Variants in FSTL4 observed in about 807,000 individuals in gnomAD.
FSTL4 encodes follistatin like 4.
Under a neutral mutation model 78.2 loss-of-function variants are expected in FSTL4, and 28 were observed. The observed-to-expected ratio is 0.36, with a 90% CI of 0.27 to 0.49. The LOEUF (loss-of-function observed/expected upper bound fraction) is 0.49. FSTL4 is among the 20% of genes least tolerant of loss of function. The pLI, the probability that FSTL4 is intolerant of heterozygous loss-of-function variation, is 0.98. For missense variants in FSTL4, 922 were observed against 1,084.9 expected (o/e 0.85, Z 2.11); for synonymous variants, 422 against 440.5 (o/e 0.96, Z 0.53).
At chr5:133,479,208 AGGCGGG>A (rs1221148544) in intron 3 of FSTL4, among the ~76,000 whole-genome samples, 55 of 152,268 alleles carry the variant, frequency 3.6e-4, no homozygotes, top group African/African-American at 1.3e-3. Context: ...AATCCCATGA[AGGCGGG>A]GACCATGTGC....
At chr5:133,214,725 G>A (rs1318925607) in intron 13 of FSTL4, among the ~76,000 whole-genome samples, 1 of 152,164 alleles carries the variant, frequency 6.6e-6, no homozygotes, top group African/African-American at 2.4e-5. Context: ...GAAAGGATGT[G>A]ATTTTATCTG....
At chr5:133,513,399 A>G (rs140468985) in intron 3 of FSTL4, among the ~76,000 whole-genome samples, 1 of 152,214 alleles carries the variant, frequency 6.6e-6, no homozygotes, top group African/African-American at 2.4e-5. Flanking sequence ...GCAGGAATAC[A>G]TGAAATTCAC....
At chr5:133,707,840 C>T in the FSTL4 span, among the ~76,000 whole-genome samples, 1 of 152,010 alleles carries the variant, frequency 6.6e-6, no homozygotes, top group South Asian at 2.1e-4. Context: ...TGCCTGGAGC[C>T]CTTTCTGCAC....
chr5:133,591,545 C>T (rs1387971726), intron 2 of FSTL4, among the ~76,000 whole-genome samples: 3 of 152,146 alleles, frequency 2.0e-5, no homozygotes, highest in Admixed American at 6.5e-5. Context: ...CACATCCTCC[C>T]CTCAGAGCCC....
At chr5:133,254,328 C>T (rs1356168881) in intron 6 of FSTL4, among the ~76,000 whole-genome samples, 1 of 152,184 alleles carries the variant, frequency 6.6e-6, no homozygotes, top group Non-Finnish European at 1.5e-5. Flanking sequence ...CCTGAGAGCC[C>T]TGGAAAAAGC....
chr5:133,204,621 C>CAGG (rs1031337337), intron 14 of FSTL4, among the ~76,000 whole-genome samples: 2 of 152,034 alleles, frequency 1.3e-5, no homozygotes, highest in African/African-American at 4.8e-5. Flanking sequence ...CACTTGAGGT[C>CAGG]AGGAGTTTGA....
At chr5:133,485,084 T>C (rs1301816677) in intron 3 of FSTL4, among the ~76,000 whole-genome samples, 3 of 152,210 alleles carry the variant, frequency 2.0e-5, no homozygotes, top group Admixed American at 6.5e-5. Flanking sequence ...ACAGTAACCA[T>C]AAATTTTGGT....
chr5:133,333,760 C>A (rs946900775), intron 4 of FSTL4, among the ~76,000 whole-genome samples: 2 of 152,224 alleles, frequency 1.3e-5, no homozygotes, highest in African/African-American at 4.8e-5. Context: ...CAGAGGCTGA[C>A]CTGCACTGCG....
At chr5:133,492,734 G>A (rs10079451) in intron 3 of FSTL4, among the ~76,000 whole-genome samples, 1,896 of 152,126 alleles carry the variant, frequency 0.012, 40 homozygotes, top group African/African-American at 0.044. Context: ...TTTGGAAAAG[G>A]TCTAGCTATT....
rs1297187120 is a variant in FSTL4 at position 133,199,196 on chromosome 5, G to A, written c.2428C>T (p.Arg810Ter). Residue 810 changes from arginine to a stop codon, truncating the protein, a stop_gained, in exon 16 of 16, where the codon CGA (arginine) becomes TGA (stop). Coordinates refer to ENST00000265342, the MANE Select transcript of FSTL4 (RefSeq NM_015082.2). LOFTEE classifies it low-confidence loss of function (END_TRUNC). This position sits in a 1 kb window ranked among gnomAD's most constrained non-coding sequence, Gnocchi z 4.4. ...CCATTGATGAGGAACAGTGACTCTCGGGCTGGTGTGAGGAGGTACTGTCCA... is the reference window on the plus strand; with the variant it reads ...CCATTGATGAGGAACAGTGACTCTCAGGCTGGTGTGAGGAGGTACTGTCCA... ...LFGQYLLTPA[R>*]ESLFLINGRQ... The A allele has an allele frequency of 2.5e-6, 4 of 1,612,164 alleles. No homozygotes were observed. Among genetic ancestry groups the A allele is most frequent in the South Asian group, 1.1e-5 (1 of 91,008 alleles).
At chr5:133,715,300 A>C in the FSTL4 span, among the ~76,000 whole-genome samples, 1 of 152,360 alleles carries the variant, frequency 6.6e-6, no homozygotes, top group African/African-American at 2.4e-5. Context: ...AGTCTTTAGA[A>C]GCTGAAACCT....
intron 3 of FSTL4, among the ~76,000 whole-genome samples, chr5:133,544,319 TA>T (rs1388747733): frequency 2.0e-5 from 3 of 152,254 alleles, no homozygotes; most frequent in East Asian, 1.9e-4. Context: ...AAAAATCTTT[TA>T]TTTTTTTTTC....
intron 7 of FSTL4, among the ~76,000 whole-genome samples, chr5:133,242,403 C>T (rs554681280): frequency 1.3e-5 from 2 of 150,318 alleles, no homozygotes; most frequent in South Asian, 4.2e-4. Flanking sequence ...GGAAGAGACT[C>T]TGTGGGGAGT....
chr5:133,259,521 T>TC (rs1392919599), intron 6 of FSTL4, among the ~76,000 whole-genome samples: 4 of 20,840 alleles, frequency 1.9e-4, no homozygotes, highest in African/African-American at 7.4e-4. Context: ...TTTTTTTCTT[T>TC]TTTTTTTTTT....
chr5:133,427,610 G>T (rs538715377), intron 3 of FSTL4: 2 of 526,028 alleles, frequency 3.8e-6, no homozygotes, highest in East Asian at 5.5e-5. Flanking sequence ...GGGGCGATAG[G>T]GGTAAAAATG....
the FSTL4 span, among the ~76,000 whole-genome samples, chr5:133,639,042 C>T: frequency 0.033 from 5,040 of 152,006 alleles, 100 homozygotes; most frequent in East Asian, 0.068. Context: ...TATACATGTG[C>T]CATGGTGGTT....
chr5:133,405,171 C>T (rs1756328464), intron 3 of FSTL4, among the ~76,000 whole-genome samples: 1 of 152,234 alleles, frequency 6.6e-6, no homozygotes, highest in Non-Finnish European at 1.5e-5. Context: ...GTGCCCCCAG[C>T]ACACGACCTA....
At chr5:133,592,654 G>C (rs1760656486) in intron 2 of FSTL4, among the ~76,000 whole-genome samples, 2 of 152,096 alleles carry the variant, frequency 1.3e-5, no homozygotes, top group South Asian at 4.2e-4. Flanking sequence ...GAGTGGCTTG[G>C]TGCCATCCTT....
chr5:133,450,305 AGAG>A (rs1757354268), intron 3 of FSTL4, among the ~76,000 whole-genome samples: 1 of 152,238 alleles, frequency 6.6e-6, no homozygotes, highest in Admixed American at 6.5e-5. Context: ...AGAAGAAGGC[AGAG>A]GAGGTCACCT....
Sources: allele counts gnomAD v4.1 joint callset (sites outside exome capture counted in the v4.1 genomes callset), GRCh38; gene constraint gnomAD v4.1.1; non-coding constraint Gnocchi (gnomAD v3.1); transcripts MANE v1.5; gene names NCBI Gene and HGNC (gene_info 2026-07-23, HGNC 2026-07-21).